The following AGAP5 variants were observed in gnomAD, a reference collection of about 807,000 sequenced individuals.
AGAP5 encodes the protein ArfGAP with GTPase domain, ankyrin repeat and PH domain 5.
Under a neutral mutation model 27.7 loss-of-function variants are expected in AGAP5, and 8 were observed. The observed-to-expected ratio is 0.29, with a 90% CI of 0.17 to 0.52. AGAP5 has a LOEUF of 0.52. Ranked by LOEUF, AGAP5 falls within the 20% of genes least tolerant of loss-of-function variation. The probability of loss-of-function intolerance (pLI) is 0.97; values close to 1 mark genes in which losing one functional copy is unlikely to be tolerated. For synonymous variants in AGAP5, 111 were observed against 338.0 expected (o/e 0.33, Z 7.37); for missense variants, 285 against 880.8 (o/e 0.32, Z 8.56).
rs201426892 is a variant in AGAP5 at position 73,679,336 on chromosome 10, G to A, written c.533+735C>T. On this transcript the variant is annotated intron_variant, in intron 6 of 7. Coordinates refer to ENST00000374094, the MANE Select transcript of AGAP5 (RefSeq NM_001144000.4). ...TGCCACCATGCCCAGCTAAGTTTTT[G>A]TATTTTTAGTAGAGACGGGGTTTCG... Among the ~76,000 whole-genome samples, 1,330 of 151,926 alleles carry A rather than the reference G, an allele frequency of 8.8e-3. 70 individuals carry two copies. The East Asian group carries it at 0.16, about 18-fold the overall frequency.
intron 2 of AGAP5, 134 bp downstream of exon 2, chr10:73,696,960 CA>C (rs1255595986): frequency 2.2e-6 from 3 of 1,387,338 alleles, no homozygotes; most frequent in Non-Finnish European, 2.9e-6. Flanking sequence ...TGGATAGGTA[CA>C]AAGAAAAAAT....
chr10:73,696,248 C>T (rs2082160935), intron 2 of AGAP5, among the ~76,000 whole-genome samples: 1 of 152,098 alleles, frequency 6.6e-6, no homozygotes, highest in Non-Finnish European at 1.5e-5. Context: ...GAACTCCTGA[C>T]CTCAGGTGAT....
At chr10:73,693,614 GC>G (rs2082137054) in intron 3 of AGAP5, among the ~76,000 whole-genome samples, 1 of 151,426 alleles carries the variant, frequency 6.6e-6, no homozygotes, top group Non-Finnish European at 1.5e-5. Flanking sequence ...CAGGAGAATT[GC>G]TTGAACCTGG....
intron 4 of AGAP5, among the ~76,000 whole-genome samples, chr10:73,688,753 G>C (rs2082085579): frequency 6.6e-6 from 1 of 152,090 alleles, no homozygotes; most frequent in Non-Finnish European, 1.5e-5. Context: ...ATAGTCTGCA[G>C]GTTTAGTAGC....
intron 6 of AGAP5, among the ~76,000 whole-genome samples, chr10:73,677,101 A>G (rs2081986193): frequency 6.6e-6 from 1 of 152,170 alleles, no homozygotes; most frequent in South Asian, 2.1e-4. Context: ...AAGCAGTAGT[A>G]GTAAACTTTA....
At chr10:73,680,640 T>G (rs1589467505) in intron 5 of AGAP5, among the ~76,000 whole-genome samples, 2 of 142,928 alleles carry the variant, frequency 1.4e-5, no homozygotes, top group Non-Finnish European at 1.5e-5. Flanking sequence ...CAGGCTGGAG[T>G]GCAATGGTGT....
chr10:73,696,370 G>A (rs2082162269), intron 2 of AGAP5, among the ~76,000 whole-genome samples: 2 of 152,092 alleles, frequency 1.3e-5, no homozygotes, highest in Non-Finnish European at 2.9e-5. Flanking sequence ...GGAGGGGAAG[G>A]GACAAAGGGG....
intron 3 of AGAP5, among the ~76,000 whole-genome samples, chr10:73,692,773 G>T (rs2082130313): frequency 1.3e-5 from 2 of 150,582 alleles, no homozygotes; most frequent in African/African-American, 4.9e-5. Flanking sequence ...CTCCTGACTA[G>T]CTGGGACTAC....
At position 73,675,981 on chromosome 10, in the gene AGAP5, C is replaced by T; in HGVS notation, c.679G>A (p.Glu227Lys). 1 of 1,611,696 alleles carries T rather than the reference C, an allele frequency of 6.2e-7. No individual in the cohort carries two copies. Among genetic ancestry groups the T allele is most frequent in the South Asian group, 1.1e-5 (1 of 90,964 alleles). The change falls in exon 8 of 8, where the codon GAG (glutamate) becomes AAG (lysine). Residue 227 changes from glutamate (E) to lysine (K), a missense_variant. Coordinates refer to ENST00000374094, the MANE Select transcript of AGAP5 (RefSeq NM_001144000.4). ...SIPSTPSTSQEDPQFSVPPTA... is the reference protein window; with the variant it reads ...SIPSTPSTSQKDPQFSVPPTA... ...GGAGGAACACTGAACTGAGGGTCCT[C>T]CTGGCTGGTGCTGGGAGTCGATGGA... is the stretch of plus-strand genomic sequence containing the variant.
chr10:73,687,359 A>G (rs2082073768), intron 4 of AGAP5, among the ~76,000 whole-genome samples: 1 of 152,162 alleles, frequency 6.6e-6, no homozygotes, highest in Admixed American at 6.5e-5. Context: ...AGCTCAAGCG[A>G]TCCTCTGCCT....
At chr10:73,696,016 CTTT>C (rs1428440939) in intron 2 of AGAP5, among the ~76,000 whole-genome samples, 4 of 146,850 alleles carry the variant, frequency 2.7e-5, no homozygotes, top group South Asian at 2.1e-4. Context: ...ACTTTCTTTC[CTTT>C]TTTTTTTTTG....
intron 4 of AGAP5, among the ~76,000 whole-genome samples, chr10:73,688,348 C>G (rs2082081968): frequency 6.6e-6 from 1 of 152,010 alleles, no homozygotes; most frequent in African/African-American, 2.4e-5. Context: ...AAAAGCTAGT[C>G]AGGCTTCTAA....
At position 73,698,036 on chromosome 10, in the gene AGAP5, C is replaced by G; in HGVS notation, c.-281G>C. The G allele has an allele frequency of 2.1e-6, 3 of 1,399,974 alleles. No homozygotes were observed. The South Asian group carries it at 4.5e-5, about 21-fold the overall frequency. The allele number at this position is 1,399,974 out of a possible 1,614,324, so 86.7% of individuals were successfully genotyped here. ...TTTAATAGGTTGTGAACCCAACAAG[C>G]GCTGAGAGACACAACAACTGCCTGA... On this transcript the variant is annotated 5_prime_UTR_variant, in exon 1 of 8. Transcript: ENST00000374094.
intron 4 of AGAP5, among the ~76,000 whole-genome samples, chr10:73,686,658 T>A (rs2082066352): frequency 6.6e-6 from 1 of 152,162 alleles, no homozygotes. Context: ...GACAAAGGGC[T>A]ATTATCCAGA....
At position 73,697,875 on chromosome 10, in the gene AGAP5, T is replaced by C. The variant is rs2082176344; in HGVS notation, c.-120A>G. 2 of 1,544,578 alleles carry C rather than the reference T, an allele frequency of 1.3e-6. No individual in the cohort carries two copies. Among genetic ancestry groups the C allele is most frequent in the Non-Finnish European group, 8.7e-7 (1 of 1,151,434 alleles). ...AGAGATGGTCTTCCCGCTCCTCGCC[T>C]GCCCACCTCACAGCGCGGCCCCGGG... On this transcript the variant is annotated 5_prime_UTR_variant, in exon 1 of 8. Coordinates refer to ENST00000374094, the MANE Select transcript of AGAP5 (RefSeq NM_001144000.4).
In AGAP5 at chr10:73,697,711, G is replaced by C. The variant is rs377127451; in HGVS notation, c.45C>G (p.Leu15=). The change falls in exon 1 of 8, where the codon CTC becomes CTG. Residue 15 remains leucine, a synonymous_variant. Transcript: ENST00000374094. ...LTCCVHPSVS[L]EFDQQQGSVC... is the part of the protein sequence containing the mutation. The stretch of plus-strand genomic sequence containing the variant: ...CCGACCCCTGTTGCTGGTCAAACTC[G>C]AGGCTGACGCTAGGGTGCACACAAC... 6.3e-7 allele frequency: 1 copy of C among 1,598,124 alleles called. No homozygotes were observed. The highest frequency in any genetic ancestry group is 2.2e-5 in the East Asian group (1 of 44,876).
chr10:73,689,241 GGCCTCCCGAGGT>G (rs1239184240), intron 4 of AGAP5, among the ~76,000 whole-genome samples: 1 of 152,218 alleles, frequency 6.6e-6, no homozygotes, highest in Non-Finnish European at 1.5e-5. Flanking sequence ...CGCCAGCCTC[GGCCTCCCGAGGT>G]GCCGGGATTG....
intron 5 of AGAP5, chr10:73,681,313 C>T (rs1221964642): frequency 1.0e-6 from 1 of 985,010 alleles, no homozygotes; most frequent in East Asian, 1.1e-4. Context: ...TCACATCCAT[C>T]CTGATTTTCC....
rs1369219093 is a variant in AGAP5, at chr10:73,674,359, G to A, written c.*240C>T. 2.4e-5 allele frequency: 15 copies of A among 622,960 alleles called. No individual in the cohort carries two copies. Among genetic ancestry groups the A allele is most frequent in the Non-Finnish European group, 3.2e-5 (11 of 348,354 alleles). The allele number at this position is 622,960 out of a possible 1,614,324, so 38.6% of individuals were successfully genotyped here. On this transcript the variant is annotated 3_prime_UTR_variant, in exon 8 of 8. Transcript: ENST00000374094. ...ATCTAAATACATAATACAGAAGCCT[G>A]TGTGACTTGGGCAATGTGGCCAGGA...
Sources: gnomAD v4.1 joint callset for allele counts (sites outside exome capture counted in the v4.1 genomes callset) on GRCh38, gnomAD v4.1.1 for gene constraint, MANE v1.5 for transcripts, NCBI Gene and HGNC (gene_info 2026-07-23, HGNC 2026-07-21) for gene names.